Variants in PLCE1 observed in about 807,000 individuals in gnomAD.
PLCE1 encodes the protein 1-phosphatidylinositol 4,5-bisphosphate phosphodiesterase epsilon-1.
PLCE1 carries 119 observed loss-of-function variants against 242.8 expected under a neutral mutation model. The observed-to-expected ratio is 0.49, with a 90% CI of 0.42 to 0.57. The LOEUF is 0.57. PLCE1 is among the 20% of genes least tolerant of loss of function. The probability of loss-of-function intolerance (pLI) is 0.00; values close to 1 mark genes in which losing one functional copy is unlikely to be tolerated. For synonymous variants in PLCE1, 945 were observed against 1,017.4 expected, an observed-to-expected ratio of 0.93 and a Z score of 1.35; for missense variants, 2,441 against 2,788.8, an observed-to-expected ratio of 0.88 and a Z score of 2.81.
rs144432979 is a variant in PLCE1, at chr10:94,171,144, T to C, written c.1493-36T>C. ...AATATCTGTTGCAGGGGACACCAGA[T>C]TTGATGTAACCACGACTTCTGTTGC... On this transcript the variant is annotated intron_variant, in intron 3 of 32. Transcript: ENST00000371380. 174 of 1,576,688 alleles carry C rather than the reference T, an allele frequency of 1.1e-4. No homozygotes were observed. The African/African-American group carries it at 1.9e-3, about 17-fold the overall frequency.
intron 1 of PLCE1, among the ~76,000 whole-genome samples, chr10:94,014,411 C>G (rs906422312): frequency 5.4e-5 from 8 of 148,770 alleles, no homozygotes; most frequent in Admixed American, 1.3e-4. Flanking sequence ...TAAGACCAAC[C>G]TGAGCAACAT....
rs539472268 is a variant in PLCE1 at position 94,245,957 on chromosome 10, G to A, written c.2432G>A (p.Gly811Glu). Reference sequence around the variant, plus strand: ...TTTCTTTCCTTAAGGTTTATAATTGGAGATTTGTTGGATTCAGACAATGAC... The same window carrying A: ...TTTCTTTCCTTAAGGTTTATAATTGAAGATTTGTTGGATTCAGACAATGAC... ...KDKSRWQFII[G>E]DLLDSDNDIF... is the part of the protein sequence containing the mutation. The change falls in exon 8 of 33, where the codon GGA (glycine) becomes GAA (glutamate). Residue 811 changes from glycine (G) to glutamate (E), a missense_variant. By Grantham distance (98) the Gly-to-Glu change is moderately conservative. Transcript: ENST00000371380. 6.2e-6 allele frequency: 10 copies of A among 1,613,934 alleles called. No individual in the cohort carries two copies. The South Asian group carries it at 9.9e-5, about 16-fold the overall frequency.
intron 19 of PLCE1, among the ~76,000 whole-genome samples, chr10:94,276,134 G>T (rs2051945962): frequency 6.6e-6 from 1 of 152,158 alleles, no homozygotes; most frequent in Admixed American, 6.5e-5. Flanking sequence ...CCTTGAGTCA[G>T]CCAGCCACAT....
intron 4 of PLCE1, among the ~76,000 whole-genome samples, chr10:94,185,467 G>T (rs2048445573): frequency 6.6e-6 from 1 of 152,192 alleles, no homozygotes; most frequent in Non-Finnish European, 1.5e-5. Flanking sequence ...CTGCACTCTA[G>T]CCTGGGCCAC....
At chr10:94,198,416 T>C (rs1256715317) in intron 4 of PLCE1, among the ~76,000 whole-genome samples, 4 of 152,248 alleles carry the variant, frequency 2.6e-5, no homozygotes, top group African/African-American at 9.6e-5. Flanking sequence ...ATCCTCCCCT[T>C]TTCAGTTATC....
chr10:94,258,148 A>G (rs1265884918), intron 11 of PLCE1, among the ~76,000 whole-genome samples: 1 of 152,220 alleles, frequency 6.6e-6, no homozygotes, highest in African/African-American at 2.4e-5. Flanking sequence ...TTCTAAAATT[A>G]GAGACAGTGC....
intron 19 of PLCE1, among the ~76,000 whole-genome samples, chr10:94,276,390 A>T (rs2051954614): frequency 6.6e-6 from 1 of 152,246 alleles, no homozygotes; most frequent in Non-Finnish European, 1.5e-5. Flanking sequence ...TTCAAAGGTG[A>T]TACAGAAGTC....
chr10:94,301,666 T>C (rs1003173553), intron 24 of PLCE1, among the ~76,000 whole-genome samples: 3 of 152,124 alleles, frequency 2.0e-5, no homozygotes, highest in African/African-American at 7.2e-5. Flanking sequence ...TCTGAAGTGA[T>C]CTGGAACCAG....
intron 20 of PLCE1, chr10:94,283,053 A>T (rs1253508754): frequency 6.6e-6 from 1 of 152,148 alleles, no homozygotes; most frequent in East Asian, 1.9e-4. Context: ...CTAAATCTTG[A>T]GTGAGAAATT....
At chr10:94,030,098 T>C (rs1214283282) in intron 1 of PLCE1, among the ~76,000 whole-genome samples, 3 of 152,204 alleles carry the variant, frequency 2.0e-5, no homozygotes, top group Non-Finnish European at 2.9e-5. Context: ...AATTTGAAGT[T>C]GACAGTAGTT....
At chr10:94,024,762 G>A (rs932549952) in intron 1 of PLCE1, among the ~76,000 whole-genome samples, 1 of 152,004 alleles carries the variant, frequency 6.6e-6, no homozygotes, top group Non-Finnish European at 1.5e-5. Context: ...TGGCTTAGGA[G>A]AATAAAATTG....
intron 29 of PLCE1, among the ~76,000 whole-genome samples, chr10:94,317,210 G>A (rs1047704247): frequency 3.9e-5 from 6 of 152,120 alleles, no homozygotes; most frequent in South Asian, 2.1e-4. Flanking sequence ...AGCTGAGATC[G>A]TGCCATTGTG....
At chr10:94,271,647 C>T (rs2051744482) in intron 18 of PLCE1, among the ~76,000 whole-genome samples, 1 of 152,026 alleles carries the variant, frequency 6.6e-6, no homozygotes, top group South Asian at 2.1e-4. Flanking sequence ...TACAAAGATC[C>T]AAGTTAGCAA....
intron 13 of PLCE1, among the ~76,000 whole-genome samples, chr10:94,259,658 TTCA>T (rs1191296938): frequency 2.6e-5 from 4 of 152,156 alleles, no homozygotes; most frequent in Non-Finnish European, 5.9e-5. Flanking sequence ...AGCAAAGAAA[TTCA>T]TCATTGTGTG....
chr10:94,048,772 G>C (rs888105108), intron 2 of PLCE1, among the ~76,000 whole-genome samples: 4 of 149,404 alleles, frequency 2.7e-5, no homozygotes, highest in African/African-American at 9.9e-5. Flanking sequence ...GAGAGAGAGG[G>C]AGAGAGAGGG....
intron 1 of PLCE1, among the ~76,000 whole-genome samples, chr10:94,005,064 C>G (rs370891163): frequency 1.6e-4 from 25 of 152,182 alleles, no homozygotes; most frequent in African/African-American, 5.5e-4. Flanking sequence ...GTTGCTGTTA[C>G]CTGGTGTTTT....
intron 18 of PLCE1, 138 bp from the exon 19 acceptor site, chr10:94,273,424 T>A: frequency 1.2e-6 from 1 of 847,642 alleles, no homozygotes; most frequent in South Asian, 1.5e-5. Flanking sequence ...GGGGACAGCT[T>A]CTTTCCTAGT....
At chr10:94,275,095 C>T (rs1248451905) in intron 19 of PLCE1, among the ~76,000 whole-genome samples, 1 of 152,200 alleles carries the variant, frequency 6.6e-6, no homozygotes, top group Non-Finnish European at 1.5e-5. Flanking sequence ...TTGCCTTTTC[C>T]ATTCTGTGCA....
At chr10:94,195,930 G>A (rs1316360732) in intron 4 of PLCE1, among the ~76,000 whole-genome samples, 1 of 152,088 alleles carries the variant, frequency 6.6e-6, no homozygotes, top group Non-Finnish European at 1.5e-5. Flanking sequence ...ATAAGATAAA[G>A]AATTAGGCCA....
Sources: gnomAD v4.1 joint callset for allele counts (sites outside exome capture counted in the v4.1 genomes callset) on GRCh38, gnomAD v4.1.1 for gene constraint, MANE v1.5 for transcripts, NCBI Gene and HGNC (gene_info 2026-07-23, HGNC 2026-07-21) for gene names.